The following ZC3H12B variants were observed in gnomAD, a reference collection of about 807,000 sequenced individuals.
ZC3H12B encodes the protein zinc finger CCCH-type containing 12B.
In ZC3H12B, 7 loss-of-function variants were observed where a neutral mutation model predicts 43.9. The observed-to-expected ratio is 0.16, with a 90% confidence interval of 0.09 to 0.30. The LOEUF (loss-of-function observed/expected upper bound fraction) is 0.30, where lower values mean the gene tolerates loss of function less well. Ranked by LOEUF, ZC3H12B falls within the 10% of genes least tolerant of loss-of-function variation. The pLI, the probability that ZC3H12B is intolerant of heterozygous loss-of-function variation, is 1.00. For synonymous variants in ZC3H12B, 222 were observed against 241.7 expected (o/e 0.92, Z 0.76); for missense variants, 475 against 670.2 (o/e 0.71, Z 3.22).
chrX:65,090,329 G>A, the ZC3H12B span, among the ~76,000 whole-genome samples: 5 of 111,300 alleles, frequency 4.5e-5, no homozygotes, highest in Admixed American at 4.8e-4. Context: ...GTGGTACATG[G>A]CTGTATAATA....
chrX:65,075,502 T>A, the ZC3H12B span, among the ~76,000 whole-genome samples: 1 of 112,120 alleles, frequency 8.9e-6, no homozygotes, highest in Non-Finnish European at 1.9e-5. Context: ...ACTATGCCAG[T>A]CCTGTCTGCC....
chrX:65,247,392 T>A, the ZC3H12B span, among the ~76,000 whole-genome samples: 2 of 112,216 alleles, frequency 1.8e-5, no homozygotes, highest in African/African-American at 6.5e-5. Flanking sequence ...ACTGGGTATA[T>A]ACCCAAAGGA....
chrX:65,124,751 G>A, the ZC3H12B span, among the ~76,000 whole-genome samples: 1 of 110,004 alleles, frequency 9.1e-6, no homozygotes, highest in Non-Finnish European at 1.9e-5. Flanking sequence ...CATATCCTCT[G>A]GATTTTCTAG....
chrX:65,212,468 A>ACAT, the ZC3H12B span, among the ~76,000 whole-genome samples: 4 of 66,100 alleles, frequency 6.1e-5, no homozygotes, highest in African/African-American at 2.7e-4. Context: ...TATGTAATAT[A>ACAT]ATTATATAAA....
the ZC3H12B span, among the ~76,000 whole-genome samples, chrX:65,341,764 G>A: frequency 1.8e-5 from 2 of 108,881 alleles, no homozygotes; most frequent in Admixed American, 2.0e-4. Context: ...GCACACTTAA[G>A]TACACAGATC....
At chrX:65,329,599 G>T in the ZC3H12B span, among the ~76,000 whole-genome samples, 93 of 108,829 alleles carry the variant, frequency 8.5e-4, no homozygotes, top group African/African-American at 3.1e-3. Flanking sequence ...ATTGCTTTTG[G>T]TGTTTTAGAC....
the ZC3H12B span, among the ~76,000 whole-genome samples, chrX:65,289,654 C>T: frequency 9.1e-6 from 1 of 109,445 alleles, no homozygotes; most frequent in Non-Finnish European, 1.9e-5. Flanking sequence ...GACATTGATC[C>T]ATGGAACAGA....
At chrX:65,202,148 A>ATATTATATGTAATATATATATTTTCTAT in the ZC3H12B span, among the ~76,000 whole-genome samples, 36 of 68,430 alleles carry the variant, frequency 5.3e-4, 1 homozygote, top group African/African-American at 0.013. Flanking sequence ...ATATAATATG[A>ATATTATATGTAATATATATATTTTCTAT]AATATATATT....
chrX:65,084,331 G>A, the ZC3H12B span, among the ~76,000 whole-genome samples: 1 of 111,516 alleles, frequency 9.0e-6, no homozygotes, highest in Non-Finnish European at 1.9e-5. Flanking sequence ...TCCACAGGAT[G>A]GGAGAAAATA....
the ZC3H12B span, among the ~76,000 whole-genome samples, chrX:65,250,183 A>T: frequency 9.1e-6 from 1 of 110,028 alleles, no homozygotes; most frequent in African/African-American, 3.3e-5. Context: ...GAGAACATGC[A>T]GTGTTTGGTT....
At chrX:65,294,558 T>C in the ZC3H12B span, among the ~76,000 whole-genome samples, 1 of 111,288 alleles carries the variant, frequency 9.0e-6, no homozygotes, top group Non-Finnish European at 1.9e-5. Flanking sequence ...GGAAACAGAA[T>C]GGAGGAATGG....
intron 3 of ZC3H12B, among the ~76,000 whole-genome samples, chrX:65,413,551 G>T (rs1365532092): frequency 9.0e-6 from 1 of 111,414 alleles, no homozygotes; most frequent in Admixed American, 9.5e-5. Flanking sequence ...TTTTCTCTTC[G>T]AATAGTCTTG....
At chrX:65,107,647 G>C in the ZC3H12B span, among the ~76,000 whole-genome samples, 37 of 111,300 alleles carry the variant, frequency 3.3e-4, no homozygotes, top group Admixed American at 3.1e-3. Flanking sequence ...CATGGGAGCA[G>C]TTACCCTCAT....
At chrX:65,212,653 A>T in the ZC3H12B span, among the ~76,000 whole-genome samples, 1 of 86,457 alleles carries the variant, frequency 1.2e-5, no homozygotes, top group Non-Finnish European at 2.2e-5. Flanking sequence ...TATATATCAT[A>T]TATTATATAT....
chrX:65,477,746 C>T (rs1276532185), intron 3 of ZC3H12B, among the ~76,000 whole-genome samples: 2 of 108,236 alleles, frequency 1.8e-5, no homozygotes, highest in Non-Finnish European at 3.8e-5. Flanking sequence ...GCCTGGGTGA[C>T]AGAGCAAGAC....
At chrX:65,173,544 T>A in the ZC3H12B span, among the ~76,000 whole-genome samples, 1 of 112,033 alleles carries the variant, frequency 8.9e-6, no homozygotes, top group South Asian at 3.7e-4. Flanking sequence ...TTCAGTATGA[T>A]ATTGGCTATG....
At chrX:65,304,792 G>A in the ZC3H12B span, among the ~76,000 whole-genome samples, 3 of 111,085 alleles carry the variant, frequency 2.7e-5, no homozygotes, top group Admixed American at 2.9e-4. Context: ...TTTATTAGGT[G>A]CGACACCATA....
the ZC3H12B span, among the ~76,000 whole-genome samples, chrX:65,206,301 G>C: frequency 5.4e-5 from 6 of 111,709 alleles, no homozygotes; most frequent in Non-Finnish European, 1.1e-4. Context: ...CAAGGTACTG[G>C]CATAAAAATA....
At chrX:65,230,951 A>G in the ZC3H12B span, among the ~76,000 whole-genome samples, 416 of 112,160 alleles carry the variant, frequency 3.7e-3, 2 homozygotes, top group African/African-American at 0.013. Context: ...TTAAGGATAA[A>G]CCTATTTGAG....
Sources: allele counts gnomAD v4.1 joint callset (sites outside exome capture counted in the v4.1 genomes callset), GRCh38; gene constraint gnomAD v4.1.1; transcripts MANE v1.5; gene names NCBI Gene and HGNC (gene_info 2026-07-23, HGNC 2026-07-21).